MACO1: variants seen among roughly 807,000 people sequenced by gnomAD.
The protein encoded by MACO1 is macoilin.
Under a neutral mutation model 78.7 loss-of-function variants are expected in MACO1, and 14 were observed. The ratio of observed to expected loss-of-function variants is 0.18; its 90% confidence interval spans 0.12 to 0.28. The LOEUF is 0.28. MACO1 is among the 10% of genes least tolerant of loss of function. MACO1 has a pLI of 1.00. For missense variants in MACO1, 501 were observed against 799.0 expected, an observed-to-expected ratio of 0.63 and a Z score of 4.50; for synonymous variants, 288 against 291.6, an observed-to-expected ratio of 0.99 and a Z score of 0.12.
rs367856644 is a variant in MACO1, at chr1:25,434,972, C to G, written c.80+3794C>G. On this transcript the variant is annotated intron_variant, in intron 1 of 10. Transcript: ENST00000374343. ...ACCCTGCCATACTTTCCACTCCCTTCCCTCAGAGAATTACTGACTTTATAA... is the reference window on the plus strand; with the variant it reads ...ACCCTGCCATACTTTCCACTCCCTTGCCTCAGAGAATTACTGACTTTATAA... Among the ~76,000 whole-genome samples, 4 of 152,234 alleles carry G rather than the reference C, an allele frequency of 2.6e-5. No homozygotes were observed. The East Asian group carries it at 5.8e-4, about 22-fold the overall frequency.
intron 6 of MACO1, among the ~76,000 whole-genome samples, chr1:25,477,983 G>A (rs2043338023): frequency 6.6e-6 from 1 of 152,156 alleles, no homozygotes; most frequent in African/African-American, 2.4e-5. Flanking sequence ...TGGTGGCTCA[G>A]GCCTGTAATC....
At chr1:25,462,467 T>G (rs1261696634) in intron 6 of MACO1, among the ~76,000 whole-genome samples, 11 of 152,146 alleles carry the variant, frequency 7.2e-5, no homozygotes, top group Admixed American at 7.2e-4. Flanking sequence ...CTTCCTCCTT[T>G]TCAAGTCCCT....
At chr1:25,480,956 A>C (rs1266125149) in intron 6 of MACO1, among the ~76,000 whole-genome samples, 2 of 86,402 alleles carry the variant, frequency 2.3e-5, no homozygotes, top group African/African-American at 7.5e-5. Context: ...ATATATATAT[A>C]TATATATATA....
intron 6 of MACO1, among the ~76,000 whole-genome samples, chr1:25,461,767 AT>A (rs1343820154): frequency 6.6e-6 from 1 of 152,188 alleles, no homozygotes; most frequent in Non-Finnish European, 1.5e-5. Context: ...ATGAAAAACA[AT>A]TTTTTCTAAT....
At chr1:25,453,453 G>A (rs2043086086) in intron 3 of MACO1, among the ~76,000 whole-genome samples, 1 of 151,110 alleles carries the variant, frequency 6.6e-6, no homozygotes, top group East Asian at 2.0e-4. Flanking sequence ...CACGAGGTCA[G>A]CAGATGGAGA....
intron 8 of MACO1, 129 bp from the exon 9 acceptor site, chr1:25,489,044 C>T (rs2124611107): frequency 8.4e-7 from 1 of 1,192,574 alleles, no homozygotes; most frequent in Non-Finnish European, 1.1e-6. Flanking sequence ...TGGTCTCGAA[C>T]CCCTGACCTC....
intron 10 of MACO1, among the ~76,000 whole-genome samples, chr1:25,496,849 G>A (rs904128579): frequency 4.6e-5 from 7 of 152,114 alleles, no homozygotes; most frequent in African/African-American, 1.7e-4. Flanking sequence ...CAGACTGCAG[G>A]GAATTGAATC....
intron 6 of MACO1, among the ~76,000 whole-genome samples, chr1:25,482,492 A>G (rs1057169043): frequency 2.6e-5 from 4 of 152,060 alleles, no homozygotes; most frequent in Non-Finnish European, 4.4e-5. Context: ...TTGCCCGCAC[A>G]TGTCTATGGC....
chr1:25,464,655 C>T (rs2043200633), intron 6 of MACO1, among the ~76,000 whole-genome samples: 1 of 67,000 alleles, frequency 1.5e-5, no homozygotes, highest in African/African-American at 5.0e-5. Context: ...ATAATTTCTT[C>T]CCCCACCCCC....
intron 6 of MACO1, among the ~76,000 whole-genome samples, chr1:25,471,555 T>C (rs1323045604): frequency 6.6e-6 from 1 of 152,224 alleles, no homozygotes; most frequent in Non-Finnish European, 1.5e-5. Context: ...GAACTTATTT[T>C]CACTGGTTTG....
intron 1 of MACO1, among the ~76,000 whole-genome samples, chr1:25,445,234 G>A (rs1393075810): frequency 6.6e-6 from 1 of 151,484 alleles, no homozygotes; most frequent in Non-Finnish European, 1.5e-5. Context: ...AGTAGATTGA[G>A]GCTGCTGTGA....
chr1:25,436,234 TC>T (rs2042918120), intron 1 of MACO1, among the ~76,000 whole-genome samples: 1 of 152,176 alleles, frequency 6.6e-6, no homozygotes, highest in Non-Finnish European at 1.5e-5. Flanking sequence ...GCATTTATGT[TC>T]CTAGAATCTT....
rs2043128063 is a variant in MACO1 at position 25,457,073 on chromosome 1, C to CT, written c.652+248dup. ...TTATTATTTTAAAATATATTTATAT[C>CT]TTTTTTATATTTTAATTCTGATTTT... On this transcript the variant is annotated intron_variant, in intron 5 of 10. Transcript: ENST00000374343. 2.0e-5 allele frequency among the ~76,000 whole-genome samples: 3 copies of CT among 151,102 alleles called. No individual in the cohort carries two copies. The South Asian group carries it at 6.3e-4, about 32-fold the overall frequency.
intron 1 of MACO1, among the ~76,000 whole-genome samples, chr1:25,436,374 A>G (rs1316982733): frequency 6.6e-6 from 1 of 152,218 alleles, no homozygotes; most frequent in African/African-American, 2.4e-5. Context: ...GGGCAAGTAG[A>G]AATTTCACAA....
At chr1:25,456,860 C>T (rs1283455118) in intron 5 of MACO1, 29 bp downstream of exon 5, 3 of 1,556,298 alleles carry the variant, frequency 1.9e-6, no homozygotes, top group Non-Finnish European at 2.6e-6. Flanking sequence ...GCTGTTGGCT[C>T]AATAGGCTAG....
rs1395049849 is a variant in MACO1 at position 25,485,067 on chromosome 1, C to T, written c.1314-546C>T. Among the ~76,000 whole-genome samples, 2 of 152,138 alleles carry T rather than the reference C, an allele frequency of 1.3e-5. No individual in the cohort carries two copies. The highest frequency in any genetic ancestry group is 2.9e-5 in the Non-Finnish European group (2 of 68,036). On this transcript the variant is annotated intron_variant, in intron 7 of 10. Transcript: ENST00000374343. This position sits in a 1 kb window ranked among gnomAD's most constrained non-coding sequence, Gnocchi z 4.3. ...TAAGCAGGAAATATGGCTGAAATTT[C>T]TATCTGAAATTAAGCATCCTGTGAC...
intron 1 of MACO1, among the ~76,000 whole-genome samples, chr1:25,440,628 G>C (rs1016945073): frequency 2.0e-5 from 3 of 151,750 alleles, no homozygotes; most frequent in African/African-American, 7.3e-5. Flanking sequence ...AATTAGCCAG[G>C]CATGGTGGTA....
In MACO1 at chr1:25,487,398, C is replaced by CCA. The variant is rs1160121908; in HGVS notation, c.1496+1605_1496+1606dup. On this transcript the variant is annotated intron_variant, in intron 8 of 10. Coordinates refer to ENST00000374343, the MANE Select transcript of MACO1 (RefSeq NM_018202.6). ...GAACTCCTGACCTCAGGTGATCTGC[C>CCA]CACCTTGACCTCCCAAAGTGCTGGG... Among the ~76,000 whole-genome samples the CCA allele has an allele frequency of 2.6e-5, 4 of 152,284 alleles. No homozygotes were observed. In the East Asian group the frequency reaches 7.7e-4, roughly 29 times the overall value.
chr1:25,448,974 A>T (rs748686120), intron 3 of MACO1, 40 bp downstream of exon 3: 1 of 1,397,112 alleles, frequency 7.2e-7, no homozygotes, highest in South Asian at 2.0e-5. Flanking sequence ...GAAATCTTAG[A>T]TTCAAATTTT....
Sources: allele counts gnomAD v4.1 joint callset (sites outside exome capture counted in the v4.1 genomes callset), GRCh38; gene constraint gnomAD v4.1.1; non-coding constraint Gnocchi (gnomAD v3.1); transcripts MANE v1.5; gene names NCBI Gene and HGNC (gene_info 2026-07-23, HGNC 2026-07-21).